Variants in IQCM observed in about 807,000 individuals in gnomAD.
IQCM encodes the protein IQ motif containing M, also known as IQ domain-containing protein M.
A neutral mutation model predicts 57.6 loss-of-function variants in IQCM; 45 were observed. That is an observed-to-expected ratio of 0.78 (90% CI 0.62 to 1.00). The LOEUF (loss-of-function observed/expected upper bound fraction) is 1.00, where lower values mean the gene tolerates loss of function less well. Ranked by LOEUF, IQCM falls within the 50% of genes least tolerant of loss-of-function variation. IQCM has a pLI of 0.00. For missense variants in IQCM, 468 were observed against 511.6 expected (o/e 0.91, Z 0.82); for synonymous variants, 148 against 158.9 (o/e 0.93, Z 0.51).
intron 12 of IQCM, among the ~76,000 whole-genome samples, chr4:149,517,703 G>A (rs921645242): frequency 1.3e-5 from 2 of 152,184 alleles, no homozygotes; most frequent in African/African-American, 4.8e-5. Flanking sequence ...CTTTATCTGG[G>A]TGGGCACCAT....
At chr4:149,633,857 C>T (rs1757496701) in intron 7 of IQCM, among the ~76,000 whole-genome samples, 1 of 152,134 alleles carries the variant, frequency 6.6e-6, no homozygotes, top group Non-Finnish European at 1.5e-5. Context: ...CAAGGCCAAG[C>T]TACACCGTCA....
intron 13 of IQCM, among the ~76,000 whole-genome samples, chr4:149,396,681 A>G (rs1349980794): frequency 6.6e-6 from 1 of 152,020 alleles, no homozygotes; most frequent in African/African-American, 2.4e-5. Flanking sequence ...TTGCTTGACT[A>G]AAACTTTATT....
chr4:149,660,846 T>G (rs1189294858), intron 7 of IQCM, among the ~76,000 whole-genome samples: 20 of 138,784 alleles, frequency 1.4e-4, no homozygotes, highest in East Asian at 4.2e-4. Context: ...GTGGGGGGAG[T>G]GGGGAGGGAT....
At chr4:149,384,460 G>A (rs1731280817) in intron 13 of IQCM, among the ~76,000 whole-genome samples, 1 of 151,970 alleles carries the variant, frequency 6.6e-6, no homozygotes, top group Non-Finnish European at 1.5e-5. Context: ...TACTACTCTT[G>A]TCACTGGAGA....
intron 2 of IQCM, among the ~76,000 whole-genome samples, chr4:149,795,104 T>C (rs1005615308): frequency 2.0e-5 from 3 of 152,152 alleles, no homozygotes; most frequent in Non-Finnish European, 4.4e-5. Context: ...ATCTAAAATT[T>C]TTTAAAATTA....
chr4:149,705,383 A>G (rs935036128), intron 5 of IQCM, among the ~76,000 whole-genome samples: 3 of 151,244 alleles, frequency 2.0e-5, no homozygotes, highest in African/African-American at 7.3e-5. Context: ...CGGAACTTTA[A>G]TACCAGTAAA....
chr4:149,552,355 C>G (rs879514146), intron 11 of IQCM, among the ~76,000 whole-genome samples: 1 of 152,046 alleles, frequency 6.6e-6, no homozygotes, highest in Admixed American at 6.5e-5. Context: ...CACATTTTTA[C>G]CCATAAAGCA....
chr4:149,480,442 C>A (rs1414969301), intron 12 of IQCM, among the ~76,000 whole-genome samples: 1 of 152,090 alleles, frequency 6.6e-6, no homozygotes, highest in Non-Finnish European at 1.5e-5. Context: ...TAGTAACCAG[C>A]CTTCTATTCT....
intron 2 of IQCM, among the ~76,000 whole-genome samples, chr4:149,774,490 T>C (rs1207717052): frequency 1.3e-5 from 2 of 152,146 alleles, no homozygotes; most frequent in Non-Finnish European, 2.9e-5. Context: ...TAGAACATCA[T>C]GGTGCCCTGC....
At chr4:149,572,089 T>A (rs1751213916) in intron 9 of IQCM, among the ~76,000 whole-genome samples, 1 of 152,042 alleles carries the variant, frequency 6.6e-6, no homozygotes, top group Non-Finnish European at 1.5e-5. Context: ...CACTGATATA[T>A]GATGACCCTG....
intron 12 of IQCM, among the ~76,000 whole-genome samples, chr4:149,509,855 C>T (rs764537991): frequency 1.3e-5 from 2 of 151,974 alleles, no homozygotes; most frequent in Non-Finnish European, 2.9e-5. Context: ...TGCTTTGAAT[C>T]TTTGGTCCAA....
At chr4:149,795,412 G>C (rs919150036) in intron 2 of IQCM, among the ~76,000 whole-genome samples, 2 of 152,124 alleles carry the variant, frequency 1.3e-5, no homozygotes, top group Non-Finnish European at 2.9e-5. Flanking sequence ...CCTAGCCAGA[G>C]GGGAATCACT....
At chr4:149,575,601 A>G (rs1348990931) in intron 9 of IQCM, among the ~76,000 whole-genome samples, 1 of 151,830 alleles carries the variant, frequency 6.6e-6, no homozygotes, top group Non-Finnish European at 1.5e-5. Flanking sequence ...ATGCTACTCC[A>G]TGCCAATCCC....
intron 8 of IQCM, among the ~76,000 whole-genome samples, chr4:149,610,530 C>G (rs1202782462): frequency 6.6e-6 from 1 of 151,746 alleles, no homozygotes; most frequent in Non-Finnish European, 1.5e-5. Context: ...AACAAATAGA[C>G]CAGTGGAACA....
intron 2 of IQCM, among the ~76,000 whole-genome samples, chr4:149,744,682 GAC>G (rs1767760171): frequency 6.6e-6 from 1 of 152,066 alleles, no homozygotes; most frequent in Non-Finnish European, 1.5e-5. Flanking sequence ...TGGGCACAAT[GAC>G]ACAAAATATC....
intron 12 of IQCM, among the ~76,000 whole-genome samples, chr4:149,510,391 A>G (rs1286825601): frequency 1.3e-5 from 2 of 152,198 alleles, no homozygotes; most frequent in Non-Finnish European, 2.9e-5. Flanking sequence ...CCCAAGTATT[A>G]CAAGTATTAT....
At chr4:149,751,375 GCA>G (rs1468300558) in intron 2 of IQCM, among the ~76,000 whole-genome samples, 2 of 152,188 alleles carry the variant, frequency 1.3e-5, no homozygotes, top group Non-Finnish European at 2.9e-5. Flanking sequence ...ATGGTGAAGA[GCA>G]CAGACTTGCT....
chr4:149,743,578 G>A (rs1343119165), intron 2 of IQCM, among the ~76,000 whole-genome samples: 1 of 152,104 alleles, frequency 6.6e-6, no homozygotes, highest in African/African-American at 2.4e-5. Flanking sequence ...AATCACCTAA[G>A]GAGTTTTTAA....
intron 8 of IQCM, among the ~76,000 whole-genome samples, chr4:149,610,065 G>T (rs763104942): frequency 3.3e-5 from 5 of 151,780 alleles, no homozygotes; most frequent in Non-Finnish European, 5.9e-5. Context: ...ACGAAAATCA[G>T]TAGCATGTTT....
Sources: allele counts gnomAD v4.1 joint callset (sites outside exome capture counted in the v4.1 genomes callset), GRCh38; gene constraint gnomAD v4.1.1; transcripts MANE v1.5; gene names NCBI Gene and HGNC (gene_info 2026-07-23, HGNC 2026-07-21).